The following MED13L variants were observed in gnomAD, a reference collection of about 807,000 sequenced individuals.
The protein encoded by MED13L is mediator of RNA polymerase II transcription subunit 13-like.
In MED13L, 7 loss-of-function variants were observed where a neutral mutation model predicts 220.9. The ratio of observed to expected loss-of-function variants is 0.03; its 90% confidence interval spans 0.02 to 0.06. The LOEUF (loss-of-function observed/expected upper bound fraction) is 0.06, where lower values mean the gene tolerates loss of function less well. Ranked by LOEUF, MED13L falls within the 10% of genes least tolerant of loss-of-function variation. MED13L has a pLI of 1.00. For missense variants in MED13L, 1,965 were observed against 2,760.5 expected (o/e 0.71, Z 6.46); for synonymous variants, 1,011 against 1,015.2 (o/e 1.00, Z 0.08).
intron 2 of MED13L, among the ~76,000 whole-genome samples, chr12:116,201,436 AC>A (rs1881998538): frequency 6.6e-6 from 1 of 152,136 alleles, no homozygotes; most frequent in Admixed American, 6.6e-5. Flanking sequence ...ATAGACATTA[AC>A]CCCGAGAAAT....
chr12:116,277,026 GGCACAGCC>G, intron 1 of MED13L, 26 bp downstream of exon 1: 1 of 780,312 alleles, frequency 1.3e-6, no homozygotes, highest in Non-Finnish European at 2.0e-6. Flanking sequence ...CCCCTTCCCC[GGCACAGCC>G]CCCTCCCCGC....
At chr12:116,187,818 T>A (rs1285597313) in intron 2 of MED13L, among the ~76,000 whole-genome samples, 3 of 151,356 alleles carry the variant, frequency 2.0e-5, no homozygotes, top group Non-Finnish European at 4.4e-5. Flanking sequence ...AACTCGCTAC[T>A]AAAAGATCTT....
At chr12:116,241,168 G>A (rs931919551) in intron 1 of MED13L, among the ~76,000 whole-genome samples, 4 of 151,536 alleles carry the variant, frequency 2.6e-5, no homozygotes, top group East Asian at 3.9e-4. Flanking sequence ...TTAGCGGGGC[G>A]TGGTGGTGCA....
At chr12:116,274,956 TTA>T (rs1174903534) in intron 1 of MED13L, among the ~76,000 whole-genome samples, 5 of 151,650 alleles carry the variant, frequency 3.3e-5, no homozygotes, top group Admixed American at 1.3e-4. Context: ...CTCAAGCATT[TTA>T]TCTCTGTAAC....
At chr12:116,163,959 AAAG>A (rs1879065899) in intron 2 of MED13L, among the ~76,000 whole-genome samples, 1 of 152,236 alleles carries the variant, frequency 6.6e-6, no homozygotes, top group South Asian at 2.1e-4. Context: ...GCACAGGACA[AAAG>A]AAGTAAAACT....
At chr12:116,188,071 T>C (rs1202795442) in intron 2 of MED13L, among the ~76,000 whole-genome samples, 1 of 151,930 alleles carries the variant, frequency 6.6e-6, no homozygotes, top group African/African-American at 2.4e-5. Flanking sequence ...CGATAATCTG[T>C]GCAACATTAC....
At chr12:116,229,889 A>T (rs1352528325) in intron 2 of MED13L, among the ~76,000 whole-genome samples, 1 of 152,198 alleles carries the variant, frequency 6.6e-6, no homozygotes, top group Non-Finnish European at 1.5e-5. Context: ...ATTCTTTCAA[A>T]TAAAACAGAA....
chr12:115,983,250 T>C lies in MED13L; in HGVS notation c.4822A>G (p.Ser1608Gly), dbSNP rs1163439012. 4 of 1,614,152 alleles carry C rather than the reference T, an allele frequency of 2.5e-6. No individual in the cohort carries two copies. Among genetic ancestry groups the C allele is most frequent in the African/African-American group, 1.3e-5 (1 of 75,048 alleles). ...QISTTSSSGF[S>G]GSVGGQNPST... ...GGGTTCTGCCCTCCAACACTACCAC[T>C]GAATCCTGAAGAAGAGGTAGTGCTT... is the stretch of plus-strand genomic sequence containing the variant. Residue 1608 changes from serine (S) to glycine (G), a missense_variant, in exon 21 of 31, where the codon AGT becomes GGT. Around this residue, in one of 10 missense-constraint regions of MED13L, gnomAD observed 510 missense variants for 620.4 expected, o/e 0.82. Coordinates refer to ENST00000281928, the MANE Select transcript of MED13L (RefSeq NM_015335.5).
intron 2 of MED13L, among the ~76,000 whole-genome samples, chr12:116,137,801 C>G (rs887125723): frequency 3.3e-5 from 5 of 150,568 alleles, no homozygotes; most frequent in African/African-American, 1.2e-4. Context: ...ACCTTGGAAA[C>G]AGTAAGAGCT....
At chr12:116,127,952 A>G (rs779942828) in intron 2 of MED13L, among the ~76,000 whole-genome samples, 22 of 152,164 alleles carry the variant, frequency 1.4e-4, no homozygotes, top group South Asian at 1.2e-3. Flanking sequence ...ACTCATTTCA[A>G]CAGCACTGGC....
At chr12:116,218,329 T>G (rs1883121075) in intron 2 of MED13L, among the ~76,000 whole-genome samples, 1 of 152,194 alleles carries the variant, frequency 6.6e-6, no homozygotes, top group African/African-American at 2.4e-5. Flanking sequence ...TGCCCACTCC[T>G]TCTAAATATA....
At chr12:116,189,633 T>C (rs192250814) in intron 2 of MED13L, among the ~76,000 whole-genome samples, 1 of 152,320 alleles carries the variant, frequency 6.6e-6, no homozygotes, top group East Asian at 1.9e-4. Context: ...AGTCTGTGAT[T>C]TGTTTTGAAT....
intron 3 of MED13L, chr12:116,110,164 T>C (rs1593055299): frequency 1.3e-5 from 2 of 152,262 alleles, no homozygotes; most frequent in East Asian, 1.9e-4. Context: ...CTGGAACATA[T>C]TGCTATGCCA....
At chr12:116,161,618 GAT>G (rs914344240) in intron 2 of MED13L, among the ~76,000 whole-genome samples, 1 of 152,152 alleles carries the variant, frequency 6.6e-6, no homozygotes, top group African/African-American at 2.4e-5. Context: ...ATAGGAGACA[GAT>G]ATAACCAACT....
intron 4 of MED13L, among the ~76,000 whole-genome samples, chr12:116,085,163 G>C (rs1016882921): frequency 6.6e-6 from 1 of 152,142 alleles, no homozygotes; most frequent in Middle Eastern, 3.2e-3. Flanking sequence ...ATCTCAAAAT[G>C]TGTTGAGGCT....
chr12:116,224,713 T>C (rs1013442900), intron 2 of MED13L, among the ~76,000 whole-genome samples: 1 of 152,230 alleles, frequency 6.6e-6, no homozygotes, highest in South Asian at 2.1e-4. Context: ...GGTCTCAATC[T>C]GTCACCCAGG....
At chr12:116,187,571 A>G (rs1454605116) in intron 2 of MED13L, among the ~76,000 whole-genome samples, 1 of 152,158 alleles carries the variant, frequency 6.6e-6, no homozygotes, top group South Asian at 2.1e-4. Flanking sequence ...GCAAAAGTTC[A>G]ATTTATCAGG....
At chr12:116,237,322 G>C (rs1870178547) in intron 2 of MED13L, 146 bp downstream of exon 2, 2 of 709,030 alleles carry the variant, frequency 2.8e-6, no homozygotes, top group Non-Finnish European at 4.9e-6. Flanking sequence ...GGGAGGAAGA[G>C]GGGTGAGAAT....
chr12:116,012,469 A>C (rs1431501621), intron 9 of MED13L, among the ~76,000 whole-genome samples: 1 of 152,150 alleles, frequency 6.6e-6, no homozygotes, highest in East Asian at 1.9e-4. Flanking sequence ...ATCTGTTTTT[A>C]ATGTATCTCT....
Sources: gnomAD v4.1 joint callset for allele counts (sites outside exome capture counted in the v4.1 genomes callset) on GRCh38, gnomAD v4.1.1 for gene constraint, gnomAD v4.1.1 regional missense constraint, MANE v1.5 for transcripts, NCBI Gene and HGNC (gene_info 2026-07-23, HGNC 2026-07-21) for gene names.